Variants in UNC5D observed in about 807,000 individuals in gnomAD.
UNC5D encodes the protein netrin receptor UNC5D.
In UNC5D, 39 loss-of-function variants were observed where a neutral mutation model predicts 105.4. That is an observed-to-expected ratio of 0.37 (90% CI 0.29 to 0.48). The LOEUF (loss-of-function observed/expected upper bound fraction) is 0.48, where lower values mean the gene tolerates loss of function less well. UNC5D is among the 20% of genes least tolerant of loss of function. The probability of loss-of-function intolerance (pLI) is 0.98; values close to 1 mark genes in which losing one functional copy is unlikely to be tolerated. For synonymous variants in UNC5D, 452 were observed against 450.4 expected, an observed-to-expected ratio of 1.00 and a Z score of -0.04; for missense variants, 991 against 1,202.4, an observed-to-expected ratio of 0.82 and a Z score of 2.60.
At chr8:35,326,139 G>A (rs931910311) in intron 1 of UNC5D, among the ~76,000 whole-genome samples, 2 of 152,204 alleles carry the variant, frequency 1.3e-5, no homozygotes, top group African/African-American at 4.8e-5. Flanking sequence ...GTATGGGGAA[G>A]GGAGTTTCTC....
intron 1 of UNC5D, among the ~76,000 whole-genome samples, chr8:35,308,046 A>G (rs190222473): frequency 6.6e-6 from 1 of 152,150 alleles, no homozygotes; most frequent in East Asian, 1.9e-4. Context: ...ATTTCTTACT[A>G]AGAAGAAGGA....
chr8:35,676,577 G>A (rs1230761158), intron 4 of UNC5D, among the ~76,000 whole-genome samples: 1 of 152,160 alleles, frequency 6.6e-6, no homozygotes, highest in Non-Finnish European at 1.5e-5. Context: ...CTTAATTAGG[G>A]ATTTACAGTG....
At chr8:35,464,121 G>A (rs1391678346) in intron 1 of UNC5D, among the ~76,000 whole-genome samples, 1 of 152,124 alleles carries the variant, frequency 6.6e-6, no homozygotes, top group Non-Finnish European at 1.5e-5. Context: ...GAGGTCAGGA[G>A]TTCGAGACCA....
At chr8:35,415,470 T>C (rs1268184915) in intron 1 of UNC5D, among the ~76,000 whole-genome samples, 1 of 152,176 alleles carries the variant, frequency 6.6e-6, no homozygotes, top group African/African-American at 2.4e-5. Context: ...AAATTCTCCA[T>C]CTCACTTTGT....
At chr8:35,675,979 A>G (rs1825185168) in intron 4 of UNC5D, among the ~76,000 whole-genome samples, 1 of 151,880 alleles carries the variant, frequency 6.6e-6, no homozygotes, top group Non-Finnish European at 1.5e-5. Context: ...ACATATTCAT[A>G]TGTTAAGCCA....
intron 7 of UNC5D, among the ~76,000 whole-genome samples, chr8:35,689,815 C>T (rs1422042256): frequency 6.6e-6 from 1 of 152,116 alleles, no homozygotes; most frequent in Non-Finnish European, 1.5e-5. Context: ...TTAATCTCAT[C>T]CAAAAACACC....
intron 1 of UNC5D, among the ~76,000 whole-genome samples, chr8:35,518,448 A>AT (rs35186709): frequency 2.0e-5 from 3 of 152,214 alleles, no homozygotes; most frequent in East Asian, 3.9e-4. Flanking sequence ...CTTCTGCAAC[A>AT]TTTTTTTATG....
At chr8:35,490,950 C>T (rs565786581) in intron 1 of UNC5D, among the ~76,000 whole-genome samples, 7 of 151,680 alleles carry the variant, frequency 4.6e-5, no homozygotes, top group African/African-American at 1.7e-4. Flanking sequence ...TATGGAATTC[C>T]TTTTCATCAT....
intron 1 of UNC5D, among the ~76,000 whole-genome samples, chr8:35,248,752 T>TAA (rs1803407033): frequency 4.1e-5 from 4 of 98,554 alleles, no homozygotes; most frequent in Non-Finnish European, 7.0e-5. Flanking sequence ...ATAAAATATA[T>TAA]AAATATATAT....
intron 1 of UNC5D, among the ~76,000 whole-genome samples, chr8:35,493,655 C>G (rs558320531): frequency 6.6e-6 from 1 of 152,112 alleles, no homozygotes; most frequent in Admixed American, 6.6e-5. Flanking sequence ...GTTGGTGTTA[C>G]AAATATGAAA....
chr8:35,668,817 G>C (rs1824593331), intron 4 of UNC5D, among the ~76,000 whole-genome samples: 1 of 152,118 alleles, frequency 6.6e-6, no homozygotes, highest in Non-Finnish European at 1.5e-5. Flanking sequence ...GCTTCTTGTT[G>C]AAATGGAGCC....
intron 1 of UNC5D, among the ~76,000 whole-genome samples, chr8:35,395,406 C>G (rs1016783125): frequency 6.6e-6 from 1 of 152,142 alleles, no homozygotes; most frequent in Non-Finnish European, 1.5e-5. Context: ...AAGAGAACAC[C>G]ATTTGAGCAA....
chr8:35,433,434 A>T (rs535514098), intron 1 of UNC5D, among the ~76,000 whole-genome samples: 1 of 152,302 alleles, frequency 6.6e-6, no homozygotes, highest in South Asian at 2.1e-4. Flanking sequence ...AAGCTAACAG[A>T]TTCACTAAGG....
intron 1 of UNC5D, among the ~76,000 whole-genome samples, chr8:35,508,797 A>C (rs1812500109): frequency 6.6e-6 from 1 of 152,200 alleles, no homozygotes; most frequent in East Asian, 1.9e-4. Context: ...GCTGAGAGGG[A>C]GAGCACTGGA....
chr8:35,460,729 C>T (rs1289678148), intron 1 of UNC5D, among the ~76,000 whole-genome samples: 1 of 152,182 alleles, frequency 6.6e-6, no homozygotes, highest in Non-Finnish European at 1.5e-5. Context: ...TTTTCCTTAT[C>T]TATCTCTATC....
intron 2 of UNC5D, among the ~76,000 whole-genome samples, chr8:35,553,324 C>T (rs1816303162): frequency 6.6e-6 from 1 of 151,528 alleles, no homozygotes; most frequent in African/African-American, 2.4e-5. Flanking sequence ...TTCTCTACCT[C>T]CATGTAGAAA....
At chr8:35,318,606 A>G (rs1381608341) in intron 1 of UNC5D, among the ~76,000 whole-genome samples, 2 of 152,166 alleles carry the variant, frequency 1.3e-5, no homozygotes, top group Non-Finnish European at 2.9e-5. Context: ...TTTATTGTCA[A>G]TGTGAGTACC....
chr8:35,710,124 A>G (rs1827849635), intron 8 of UNC5D, among the ~76,000 whole-genome samples: 1 of 152,136 alleles, frequency 6.6e-6, no homozygotes, highest in African/African-American at 2.4e-5. Context: ...AGAAGCAAGG[A>G]GATCTATCAC....
At chr8:35,464,020 G>C (rs1281040104) in intron 1 of UNC5D, among the ~76,000 whole-genome samples, 1 of 152,054 alleles carries the variant, frequency 6.6e-6, no homozygotes, top group Non-Finnish European at 1.5e-5. Flanking sequence ...ATCTTATACA[G>C]GTACTTATGT....
Sources: gnomAD v4.1 joint callset for allele counts (sites outside exome capture counted in the v4.1 genomes callset) on GRCh38, gnomAD v4.1.1 for gene constraint, MANE v1.5 for transcripts, NCBI Gene and HGNC (gene_info 2026-07-23, HGNC 2026-07-21) for gene names.